The following ELAVL2 variants were observed in gnomAD, a reference collection of about 807,000 sequenced individuals.
ELAVL2 encodes the protein ELAV-like protein 2.
A neutral mutation model predicts 34.6 loss-of-function variants in ELAVL2; 4 were observed. The ratio of observed to expected loss-of-function variants is 0.12; its 90% confidence interval spans 0.06 to 0.26. The LOEUF (loss-of-function observed/expected upper bound fraction) is 0.26. Among genes scored for constraint, ELAVL2 ranks in the 10% least tolerant of loss-of-function variants. The pLI is 1.00. For synonymous variants in ELAVL2, 193 were observed against 154.8 expected, an observed-to-expected ratio of 1.25 and a Z score of -1.83; for missense variants, 432 against 442.8, an observed-to-expected ratio of 0.98 and a Z score of 0.22.
chr9:23,811,054 A>C (rs941270786), intron 1 of ELAVL2, among the ~76,000 whole-genome samples: 6 of 152,188 alleles, frequency 3.9e-5, no homozygotes, highest in Non-Finnish European at 8.8e-5. Flanking sequence ...GGAAGTTACC[A>C]TAGAAGTTGT....
intron 3 of ELAVL2, among the ~76,000 whole-genome samples, chr9:23,713,472 G>C (rs1190876027): frequency 1.3e-5 from 2 of 152,042 alleles, no homozygotes; most frequent in Admixed American, 1.3e-4. Context: ...ATTTCACTTA[G>C]CCTTTTCAGA....
chr9:23,749,697 G>T (rs2051398130), intron 2 of ELAVL2, among the ~76,000 whole-genome samples: 1 of 151,992 alleles, frequency 6.6e-6, no homozygotes, highest in South Asian at 2.1e-4. Flanking sequence ...GTTAGCCTCC[G>T]GTGAACATTT....
At chr9:23,710,647 C>CT (rs1359566688) in intron 3 of ELAVL2, among the ~76,000 whole-genome samples, 1 of 152,138 alleles carries the variant, frequency 6.6e-6, no homozygotes, top group Non-Finnish European at 1.5e-5. Context: ...CCACTTTAGA[C>CT]TTTTTTCAAA....
chr9:23,769,615 T>C (rs1445312171), intron 1 of ELAVL2, among the ~76,000 whole-genome samples: 3 of 152,216 alleles, frequency 2.0e-5, no homozygotes, highest in Non-Finnish European at 2.9e-5. Context: ...TCTAGAATCC[T>C]TGTCAATTCT....
chr9:23,700,456 C>G (rs1356922964), intron 5 of ELAVL2, among the ~76,000 whole-genome samples: 2 of 152,150 alleles, frequency 1.3e-5, no homozygotes, highest in Admixed American at 6.5e-5. Flanking sequence ...AAACAGTTAG[C>G]ATATGTACAC....
chr9:23,817,093 T>C (rs2063822751), intron 1 of ELAVL2, among the ~76,000 whole-genome samples: 1 of 152,136 alleles, frequency 6.6e-6, no homozygotes, highest in Admixed American at 6.5e-5. Flanking sequence ...ACAGTAAGTA[T>C]AATTTTAAAT....
intron 5 of ELAVL2, among the ~76,000 whole-genome samples, chr9:23,693,834 C>A (rs906168105): frequency 3.9e-5 from 6 of 152,162 alleles, no homozygotes; most frequent in African/African-American, 1.4e-4. Context: ...GTTCTTTATA[C>A]TACTTTTGAT....
At chr9:23,697,931 C>T (rs541245052) in intron 5 of ELAVL2, among the ~76,000 whole-genome samples, 45 of 151,944 alleles carry the variant, frequency 3.0e-4, no homozygotes, top group African/African-American at 1.1e-3. Flanking sequence ...ACAAGATCAT[C>T]TTCTTACTGC....
intron 1 of ELAVL2, among the ~76,000 whole-genome samples, chr9:23,774,741 G>C (rs1424770353): frequency 6.9e-6 from 1 of 144,144 alleles, no homozygotes; most frequent in Non-Finnish European, 1.5e-5. Context: ...AATAAGATTA[G>C]AAATTGCTAC....
At position 23,761,100 on chromosome 9, in the gene ELAVL2, G is replaced by T. The variant is rs769707360; in HGVS notation, c.229+906C>A. Reference sequence around the variant, plus strand: ...GACTCCTGGTCTCATTCTTCACACTGCCTTTAAGTATCTTTTACTCATTTC... The same window carrying T: ...GACTCCTGGTCTCATTCTTCACACTTCCTTTAAGTATCTTTTACTCATTTC... On this transcript the variant is annotated intron_variant, in intron 2 of 6. Coordinates refer to ENST00000397312, the MANE Select transcript of ELAVL2 (RefSeq NM_004432.5). Among the ~76,000 whole-genome samples the T allele has an allele frequency of 4.6e-5, 7 of 152,092 alleles. No individual in the cohort carries two copies. In the South Asian group the frequency reaches 1.5e-3, roughly 32 times the overall value.
intron 1 of ELAVL2, among the ~76,000 whole-genome samples, chr9:23,807,592 T>C (rs1418729563): frequency 2.6e-5 from 4 of 152,134 alleles, no homozygotes; most frequent in African/African-American, 9.7e-5. Context: ...CTTTTAGTTA[T>C]AATTTAAATG....
chr9:23,799,006 C>T (rs967315326), intron 1 of ELAVL2, among the ~76,000 whole-genome samples: 4 of 152,114 alleles, frequency 2.6e-5, no homozygotes, highest in African/African-American at 9.7e-5. Context: ...AAAATTTTCT[C>T]CCAGGTGGTG....
intron 1 of ELAVL2, among the ~76,000 whole-genome samples, chr9:23,810,839 G>A (rs775189986): frequency 6.6e-6 from 1 of 152,124 alleles, no homozygotes; most frequent in Admixed American, 6.5e-5. Flanking sequence ...ACCATTACTA[G>A]AGGAAATGCT....
chr9:23,781,122 C>A (rs534742381), intron 1 of ELAVL2, among the ~76,000 whole-genome samples: 1 of 152,084 alleles, frequency 6.6e-6, no homozygotes, highest in Non-Finnish European at 1.5e-5. Flanking sequence ...TGCTAGCGAA[C>A]AGGGTTATTA....
chr9:23,710,693 G>A (rs964918040), intron 3 of ELAVL2, among the ~76,000 whole-genome samples: 1 of 152,150 alleles, frequency 6.6e-6, no homozygotes, highest in African/African-American at 2.4e-5. Flanking sequence ...AAAGGTCACA[G>A]TTATGCCTAT....
intron 5 of ELAVL2, among the ~76,000 whole-genome samples, chr9:23,700,302 G>C (rs1046472067): frequency 1.7e-4 from 26 of 152,128 alleles, no homozygotes; most frequent in African/African-American, 6.3e-4. Context: ...AAATGTCCTG[G>C]AAAATAAAAA....
intron 2 of ELAVL2, among the ~76,000 whole-genome samples, chr9:23,760,733 T>C (rs2054780921): frequency 6.6e-6 from 1 of 152,060 alleles, no homozygotes; most frequent in Admixed American, 6.6e-5. Flanking sequence ...ATAATTAAAA[T>C]ATAATGGCCG....
At chr9:23,754,604 G>A (rs972037008) in intron 2 of ELAVL2, among the ~76,000 whole-genome samples, 1 of 151,984 alleles carries the variant, frequency 6.6e-6, no homozygotes, top group Non-Finnish European at 1.5e-5. Flanking sequence ...GACTACAGGC[G>A]TGCAGCACCA....
At position 23,783,825 on chromosome 9, in the gene ELAVL2, G is replaced by T. The variant is rs562055100; in HGVS notation, c.-15-21576C>A. On this transcript the variant is annotated intron_variant, in intron 1 of 6. Coordinates refer to ENST00000397312, the MANE Select transcript of ELAVL2 (RefSeq NM_004432.5). ...AAAATCAGGCTCAGAACAGAGAAAA[G>T]CCATGTGCACTAGGCTCTCTGTTGT... Among the ~76,000 whole-genome samples, 7 of 152,264 alleles carry T rather than the reference G, an allele frequency of 4.6e-5. No homozygotes were observed. The East Asian group carries it at 1.4e-3, about 29-fold the overall frequency.
Sources: allele counts gnomAD v4.1 joint callset (sites outside exome capture counted in the v4.1 genomes callset), GRCh38; gene constraint gnomAD v4.1.1; transcripts MANE v1.5; gene names NCBI Gene and HGNC (gene_info 2026-07-23, HGNC 2026-07-21).